Variants in NSD3 observed in about 807,000 individuals in gnomAD.
NSD3 encodes the protein nuclear receptor binding SET domain protein 3, also known as histone-lysine N-methyltransferase NSD3.
A neutral mutation model predicts 160.8 loss-of-function variants in NSD3; 24 were observed. The ratio of observed to expected loss-of-function variants is 0.15; its 90% CI spans 0.11 to 0.21. The LOEUF (loss-of-function observed/expected upper bound fraction) is 0.21, where lower values mean the gene tolerates loss of function less well. Among genes scored for constraint, NSD3 ranks in the 10% least tolerant of loss-of-function variants. The pLI, the probability that NSD3 is intolerant of heterozygous loss-of-function variation, is 1.00. For missense variants in NSD3, 1,157 were observed against 1,735.9 expected (o/e 0.67, Z 5.93); for synonymous variants, 520 against 600.0 (o/e 0.87, Z 1.95).
In NSD3 at chr8:38,297,425, T is replaced by C. The variant is rs528455888; in HGVS notation, c.2759-1473A>G. Among the ~76,000 whole-genome samples, 3 of 152,332 alleles carry C rather than the reference T, an allele frequency of 2.0e-5. No individual in the cohort carries two copies. In the South Asian group the frequency reaches 6.2e-4, roughly 32 times the overall value. On this transcript the variant is annotated intron_variant, in intron 15 of 23. Coordinates refer to ENST00000317025, the MANE Select transcript of NSD3 (RefSeq NM_023034.2). ...TTATTGAAAAAAATTGATCTTTTCA[T>C]TGGAAAATCAGGTCTATAACCCATG...
intron 6 of NSD3, 56 bp from the exon 7 acceptor site, chr8:38,326,912 C>T: frequency 6.3e-7 from 1 of 1,589,738 alleles, no homozygotes. Context: ...AGGCAAGTGG[C>T]ATCATGGGCT....
intron 2 of NSD3, among the ~76,000 whole-genome samples, chr8:38,341,253 CA>C (rs780213504): frequency 6.6e-6 from 1 of 151,844 alleles, no homozygotes. Context: ...AAATAAATTA[CA>C]ATCTGCCAGG....
intron 2 of NSD3, among the ~76,000 whole-genome samples, chr8:38,345,715 A>T (rs888745978): frequency 1.3e-5 from 2 of 151,832 alleles, no homozygotes; most frequent in African/African-American, 4.8e-5. Flanking sequence ...GTTTGAGACC[A>T]GCCTGACTAA....
chr8:38,337,078 G>T (rs1158598573), intron 4 of NSD3, among the ~76,000 whole-genome samples: 1 of 150,728 alleles, frequency 6.6e-6, no homozygotes, highest in Admixed American at 6.6e-5. Context: ...GGAGGCGGAG[G>T]TTGCAGTGAG....
Position 38,270,294 on chromosome 8 carries a change from A to G in NSD3, c.*5347T>C, listed in dbSNP as rs1184419161. 2.0e-5 allele frequency: 3 copies of G among 152,264 alleles called. No individual in the cohort carries two copies. Among genetic ancestry groups the G allele is most frequent in the Non-Finnish European group, 4.4e-5 (3 of 68,050 alleles). 9.4% of individuals were successfully genotyped at this position (152,264 alleles called of 1,614,324 possible). On this transcript the variant is annotated 3_prime_UTR_variant, in exon 24 of 24. Coordinates refer to ENST00000317025, the MANE Select transcript of NSD3 (RefSeq NM_023034.2). ...AGTTTATTACAGATAAAGTACAGAA[A>G]TAACCAATCTACAAAGATCATTATC...
At chr8:38,351,431 G>A (rs1237682748) in intron 1 of NSD3, among the ~76,000 whole-genome samples, 8 of 151,174 alleles carry the variant, frequency 5.3e-5, no homozygotes, top group East Asian at 2.0e-4. Context: ...TTGGGAGGCC[G>A]AGGTGGGTGG....
chr8:38,323,351 T>C (rs1809836178), intron 7 of NSD3, among the ~76,000 whole-genome samples: 1 of 152,134 alleles, frequency 6.6e-6, no homozygotes, highest in African/African-American at 2.4e-5. Flanking sequence ...CCACCATACC[T>C]GGCCCTAAAT....
At chr8:38,333,251 T>G (rs2956731) in intron 4 of NSD3, among the ~76,000 whole-genome samples, 8,926 of 152,300 alleles carry the variant, frequency 0.059, 376 homozygotes, top group South Asian at 0.15. Flanking sequence ...AATCTGTATT[T>G]TCAACTTCTT....
At chr8:38,359,228 T>C (rs1455919626) in intron 1 of NSD3, among the ~76,000 whole-genome samples, 3 of 152,192 alleles carry the variant, frequency 2.0e-5, no homozygotes, top group African/African-American at 4.8e-5. Flanking sequence ...AGGTAAGTTT[T>C]TAATGCTATT....
chr8:38,295,298 A>T (rs1030559802), intron 16 of NSD3, among the ~76,000 whole-genome samples: 1 of 152,076 alleles, frequency 6.6e-6, no homozygotes, highest in African/African-American at 2.4e-5. Flanking sequence ...ATGGTGGCTC[A>T]TGCTTATAAT....
chr8:38,347,405 C>G lies in NSD3; in HGVS notation c.675+92G>C, dbSNP rs1263533383. The G allele has an allele frequency of 3.7e-6, 5 of 1,337,298 alleles. No individual in the cohort carries two copies. The African/African-American group carries it at 5.9e-5, about 16-fold the overall frequency. The allele number at this position is 1,337,298 out of a possible 1,614,324, so 82.8% of individuals were successfully genotyped here. On this transcript the variant is annotated intron_variant, in intron 2 of 23. Transcript: ENST00000317025. ...GATTAAAGAAGTTATCAGACAGATT[C>G]ATATTTAAAGAGATAAAAACCAAAA... is the stretch of plus-strand genomic sequence containing the variant.
In NSD3 at chr8:38,317,854, T is replaced by G; in HGVS notation, c.1855+1041A>C. On this transcript the variant is annotated intron_variant, in intron 9 of 23. Coordinates refer to ENST00000317025, the MANE Select transcript of NSD3 (RefSeq NM_023034.2). This position sits in a 1 kb window ranked among gnomAD's most constrained non-coding sequence, Gnocchi z 5.3. The stretch of plus-strand genomic sequence containing the variant: ...ATGCCAATAATGATGATTGGCGAAA[T>G]CAAAATCGAAAACAAAGAAACTGTT... 6.5e-7 allele frequency: 1 copy of G among 1,546,266 alleles called. No homozygotes were observed. The highest frequency in any genetic ancestry group is 8.7e-7 in the Non-Finnish European group (1 of 1,144,704).
At chr8:38,291,221 T>C (rs1585859221) in intron 16 of NSD3, among the ~76,000 whole-genome samples, 1 of 152,192 alleles carries the variant, frequency 6.6e-6, no homozygotes, top group African/African-American at 2.4e-5. Context: ...ATCTAATTCA[T>C]CTTAGATCAT....
intron 1 of NSD3, among the ~76,000 whole-genome samples, chr8:38,351,148 A>T (rs1787838454): frequency 7.0e-6 from 1 of 141,952 alleles, no homozygotes; most frequent in African/African-American, 2.6e-5. Flanking sequence ...TTTTTTTTGT[A>T]TTTTTTTTTT....
intron 14 of NSD3, 163 bp from the exon 15 acceptor site, chr8:38,299,753 C>T (rs1213162486): frequency 3.2e-6 from 2 of 624,610 alleles, no homozygotes; most frequent in South Asian, 6.2e-5. Flanking sequence ...AGGTTTTCTA[C>T]AGTTTTCAAA....
chr8:38,311,184 G>C (rs1809526554), intron 12 of NSD3, among the ~76,000 whole-genome samples: 1 of 151,292 alleles, frequency 6.6e-6, no homozygotes, highest in Non-Finnish European at 1.5e-5. Flanking sequence ...CAGTGTGCTA[G>C]GATTACAGGC....
chr8:38,356,472 C>T (rs1212221977), intron 1 of NSD3, among the ~76,000 whole-genome samples: 1 of 151,844 alleles, frequency 6.6e-6, no homozygotes, highest in African/African-American at 2.4e-5. Flanking sequence ...ATCCCAGCTC[C>T]TTAGGAGGCT....
intron 1 of NSD3, among the ~76,000 whole-genome samples, chr8:38,354,726 T>C (rs1810780027): frequency 6.6e-6 from 1 of 151,896 alleles, no homozygotes; most frequent in African/African-American, 2.4e-5. Context: ...AACTGAAAAG[T>C]TCGGGGAAAA....
In NSD3 at chr8:38,325,067, C is replaced by T. The variant is rs1028248102; in HGVS notation, c.1708+1663G>A. Among the ~76,000 whole-genome samples the T allele has an allele frequency of 9.9e-5, 15 of 152,230 alleles. 1 individual carries two copies. The highest frequency in any genetic ancestry group is 3.6e-4 in the African/African-American group (15 of 41,462). ...GCTTGTCTGAGTTCTGTGAGCTGCT[C>T]TAGCAAATGACTAAACCCAAGGAGG... is the stretch of plus-strand genomic sequence containing the variant. On this transcript the variant is annotated intron_variant, in intron 7 of 23. Coordinates refer to ENST00000317025, the MANE Select transcript of NSD3 (RefSeq NM_023034.2).
Sources: gnomAD v4.1 joint callset for allele counts (sites outside exome capture counted in the v4.1 genomes callset) on GRCh38, gnomAD v4.1.1 for gene constraint, Gnocchi (gnomAD v3.1) non-coding constraint, MANE v1.5 for transcripts, NCBI Gene and HGNC (gene_info 2026-07-23, HGNC 2026-07-21) for gene names.